Variants in ELOVL1 observed in about 807,000 individuals in gnomAD.
The protein encoded by ELOVL1 is ELOVL fatty acid elongase 1.
Under a neutral mutation model 37.8 loss-of-function variants are expected in ELOVL1, and 10 were observed. The observed-to-expected ratio is 0.26, with a 90% CI of 0.16 to 0.45. The LOEUF is 0.45. ELOVL1 is among the 20% of genes least tolerant of loss of function. The pLI is 1.00. For missense variants in ELOVL1, 256 were observed against 352.7 expected (o/e 0.73, Z 2.20); for synonymous variants, 133 against 123.8 (o/e 1.07, Z -0.49).
At chr1:43,367,186 GAC>G (rs1647264096) in intron 1 of ELOVL1, 1 of 152,568 alleles carries the variant, frequency 6.6e-6, no homozygotes. Context: ...TCTCCTGCCT[GAC>G]ACACCACGCA....
In ELOVL1 at chr1:43,364,012, G is replaced by A. The variant is rs1235224687; in HGVS notation, c.744C>T (p.Ser248=). The change falls in exon 8 of 8, where the codon TCC becomes TCT. Residue 248 remains serine, a synonymous_variant. Coordinates refer to ENST00000372458, the MANE Select transcript of ELOVL1 (RefSeq NM_022821.4). This position sits in a 1 kb window ranked among gnomAD's most constrained non-coding sequence, Gnocchi z 5.2. ...TGGTATAAGAGTGATACCAGAAGTT[G>A]GAGAACAGCATGAAGAAGATGGTGC... ...MYGTIFFMLF[S]NFWYHSYTKG... 6.2e-7 allele frequency: 1 copy of A among 1,614,186 alleles called. No homozygotes were observed. The highest frequency in any genetic ancestry group is 8.5e-7 in the Non-Finnish European group (1 of 1,180,040).
In ELOVL1 at chr1:43,363,842, G is replaced by A. The variant is rs1314131460; in HGVS notation, c.*74C>T. On this transcript the variant is annotated 3_prime_UTR_variant, in exon 8 of 8. Transcript: ENST00000372458. ...AGCCTTGGTCACAGGTGTAGGTGGA[G>A]AGGGCACTGACGGACACTGCCCTAA... 13 of 1,364,476 alleles carry A rather than the reference G, an allele frequency of 9.5e-6. No homozygotes were observed. The highest frequency in any genetic ancestry group is 1.4e-5 in the Non-Finnish European group (13 of 961,194). The allele number at this position is 1,364,476 out of a possible 1,614,324, so 84.5% of individuals were successfully genotyped here.
At chr1:43,367,755 G>A (rs987638571) in intron 1 of ELOVL1, 160 bp downstream of exon 1, 2 of 152,650 alleles carry the variant, frequency 1.3e-5, no homozygotes, top group African/African-American at 4.8e-5. Flanking sequence ...GGGTGCTGGC[G>A]AGGCCCGGCC....
In ELOVL1 at chr1:43,363,625, C is replaced by T. The variant is rs780987888; in HGVS notation, c.*291G>A. ...TGGGGCCAGCCCTGAGTGCTCCTCT[C>T]CCAAGTTTTAAGGCAGGGAGGGGGA... On this transcript the variant is annotated 3_prime_UTR_variant, in exon 8 of 8. Transcript: ENST00000372458. 6 of 456,192 alleles carry T rather than the reference C, an allele frequency of 1.3e-5. No individual in the cohort carries two copies. Among genetic ancestry groups the T allele is most frequent in the Non-Finnish European group, 2.0e-5 (5 of 250,346 alleles). The allele number at this position is 456,192 out of a possible 1,614,324, so 28.3% of individuals were successfully genotyped here.
At position 43,364,429 on chromosome 1, in the gene ELOVL1, G is replaced by A. The variant is rs758642204; in HGVS notation, c.513C>T (p.Asn171=). Residue 171 remains asparagine, a synonymous_variant, in exon 7 of 8, where the codon AAC becomes AAT. Transcript: ENST00000372458. This position sits in a 1 kb window ranked among gnomAD's most constrained non-coding sequence, Gnocchi z 5.2. ...GGTACATTATGACATGCACGGAAGA[G>A]TTTATCATGGCATGGAAAGAGCCCA... is the stretch of plus-strand genomic sequence containing the variant. The part of the protein sequence containing the change: ...GGMGSFHAMI[N]SSVHVIMYLY... The A allele has an allele frequency of 5.0e-6, 8 of 1,614,138 alleles. No homozygotes were observed. The highest frequency in any genetic ancestry group is 8.5e-7 in the Non-Finnish European group (1 of 1,180,016).
In ELOVL1 at chr1:43,364,720, T is replaced by C. The variant is rs752580131; in HGVS notation, c.375+18A>G. 5 of 1,614,006 alleles carry C rather than the reference T, an allele frequency of 3.1e-6. No individual in the cohort carries two copies. In the African/African-American group the frequency reaches 6.7e-5, roughly 22 times the overall value. On this transcript the variant is annotated intron_variant, in intron 5 of 7. Coordinates refer to ENST00000372458, the MANE Select transcript of ELOVL1 (RefSeq NM_022821.4). This position sits in a 1 kb window ranked among gnomAD's most constrained non-coding sequence, Gnocchi z 5.2. ...CTCATTCTCCCCTCAAGTTCTCACATCTCATATAACTACTCACTGTGTCCA... is the reference window on the plus strand; with the variant it reads ...CTCATTCTCCCCTCAAGTTCTCACACCTCATATAACTACTCACTGTGTCCA...
chr1:43,363,787 G>T lies in ELOVL1; in HGVS notation c.*129C>A. On this transcript the variant is annotated 3_prime_UTR_variant, in exon 8 of 8. Coordinates refer to ENST00000372458, the MANE Select transcript of ELOVL1 (RefSeq NM_022821.4). ...GTAGAGCAGCTGTGGGGAGGGGAGG[G>T]CCAGTCCCCTGCTCAGTCCTGACCA... 1.2e-6 allele frequency: 1 copy of T among 822,360 alleles called. No homozygotes were observed. The highest frequency in any genetic ancestry group is 1.9e-6 in the Non-Finnish European group (1 of 514,384). 50.9% of individuals were successfully genotyped at this position (822,360 alleles called of 1,614,324 possible). A position where few individuals can be genotyped will look rare whatever the true frequency, so the allele number is the denominator to read the frequency against.
chr1:43,364,255 G>A lies in ELOVL1; in HGVS notation c.618+69C>T, dbSNP rs1647195223. The A allele has an allele frequency of 4.3e-6, 7 of 1,612,272 alleles. No homozygotes were observed. The highest frequency in any genetic ancestry group is 5.9e-6 in the Non-Finnish European group (7 of 1,179,146). ...GATGGGGTCAAAGGTGAGACAGACT[G>A]GATAAAGGCAGGATCCAGGCTAGGA... On this transcript the variant is annotated intron_variant, in intron 7 of 7. Transcript: ENST00000372458. This position sits in a 1 kb window ranked among gnomAD's most constrained non-coding sequence, Gnocchi z 5.2.
chr1:43,364,851 A>C lies in ELOVL1; in HGVS notation c.319-57T>G. ...ATACACTATTCTAAGAGCCTCCCTA[A>C]ACTGGGCCTTGAGCACAGGCCCCAA... On this transcript the variant is annotated intron_variant, in intron 4 of 7. Coordinates refer to ENST00000372458, the MANE Select transcript of ELOVL1 (RefSeq NM_022821.4). This position sits in a 1 kb window ranked among gnomAD's most constrained non-coding sequence, Gnocchi z 5.2. The C allele has an allele frequency of 6.2e-7, 1 of 1,614,064 alleles. No individual in the cohort carries two copies. The highest frequency in any genetic ancestry group is 1.7e-5 in the Admixed American group (1 of 60,020).
Position 43,364,141 on chromosome 1 carries a change from G to C in ELOVL1, c.619-4C>G. 1.2e-6 allele frequency: 2 copies of C among 1,614,106 alleles called. No homozygotes were observed. The highest frequency in any genetic ancestry group is 1.7e-6 in the Non-Finnish European group (2 of 1,179,992). On this transcript the variant is annotated splice_region_variant and splice_polypyrimidine_tract_variant and intron_variant, in intron 7 of 7. Transcript: ENST00000372458. The surrounding 1 kb of genome is among the most constrained non-coding windows in gnomAD (Gnocchi z 5.2). ...GTGAGACCAGGACAAACTGGATCTA[G>C]GATAGAGAAAGACCAGGGTCAGAGG...
Position 43,363,481 on chromosome 1 carries a change from C to T in ELOVL1, c.*435G>A, listed in dbSNP as rs751519094. The T allele has an allele frequency of 1.4e-4, 55 of 390,854 alleles. No individual in the cohort carries two copies. Among genetic ancestry groups the T allele is most frequent in the Non-Finnish European group, 2.2e-4 (47 of 215,594 alleles). 24.2% of individuals were successfully genotyped at this position (390,854 alleles called of 1,614,324 possible). On this transcript the variant is annotated 3_prime_UTR_variant, in exon 8 of 8. Transcript: ENST00000372458. ...GCTGTATTCCCAGGCCCCCGCCCAC[C>T]CTGACCTTTGGCCCAGAAGCTACTG...
chr1:43,365,698 C>T, intron 1 of ELOVL1, 75 bp from the exon 2 acceptor site: 1 of 1,422,080 alleles, frequency 7.0e-7, no homozygotes, highest in Admixed American at 1.7e-5. Flanking sequence ...AGACACAGAA[C>T]CAGACAAGAC....
chr1:43,365,523 C>T (rs748197819), intron 2 of ELOVL1, 41 bp downstream of exon 2: 27 of 1,613,778 alleles, frequency 1.7e-5, no homozygotes, highest in African/African-American at 4.0e-5. Flanking sequence ...CCAGGGATCC[C>T]GGGAAAGAAG....
rs779324252 is a variant in ELOVL1 at position 43,364,679 on chromosome 1, AC to A, written c.376-33del. The A allele has an allele frequency of 1.2e-6, 2 of 1,614,138 alleles. No individual in the cohort carries two copies. The highest frequency in any genetic ancestry group is 1.1e-5 in the South Asian group (1 of 91,086). Reference sequence around the variant, plus strand: ...GAAGAGTGAGGGAAGGGGATTCAGAACCTGGGCTTCTCCACCTCATTCTCCC... The same window carrying A: ...GAAGAGTGAGGGAAGGGGATTCAGAACTGGGCTTCTCCACCTCATTCTCCC... On this transcript the variant is annotated intron_variant, in intron 5 of 7. Transcript: ENST00000372458. The surrounding 1 kb of genome is among the most constrained non-coding windows in gnomAD (Gnocchi z 5.2).
At chr1:43,367,418 C>G (rs1295083081) in intron 1 of ELOVL1, 2 of 152,662 alleles carry the variant, frequency 1.3e-5, no homozygotes, top group Non-Finnish European at 2.9e-5. Context: ...ACAGGTTCCT[C>G]CCTGACACAT....
Position 43,364,944 on chromosome 1 carries a change from C to T in ELOVL1, c.302G>A (p.Ser101Asn), listed in dbSNP as rs1415826596. The T allele has an allele frequency of 6.2e-7, 1 of 1,613,974 alleles. No homozygotes were observed. Among genetic ancestry groups the T allele is most frequent in the Admixed American group, 1.7e-5 (1 of 59,986 alleles). ...CCTACTTACCCTAAGTGCCTCAGGGCTGTTGGAATAGTCCACAGGGTCACA... is the reference window on the plus strand; with the variant it reads ...CCTACTTACCCTAAGTGCCTCAGGGTTGTTGGAATAGTCCACAGGGTCACA... ...WRCDPVDYSNSPEALRMVRVA... is the reference protein window; with the variant it reads ...WRCDPVDYSNNPEALRMVRVA... Residue 101 changes from serine to asparagine, a missense_variant, in exon 4 of 8, where the codon AGC becomes AAC. By Grantham distance (46) the Ser-to-Asn change is conservative. This residue lies in a region of ELOVL1 where 158 missense variants were observed against 189.4 expected (regional missense o/e 0.83). Coordinates refer to ENST00000372458, the MANE Select transcript of ELOVL1 (RefSeq NM_022821.4). This position sits in a 1 kb window ranked among gnomAD's most constrained non-coding sequence, Gnocchi z 5.2.
In ELOVL1 at chr1:43,363,739, G is replaced by A; in HGVS notation, c.*177C>T. On this transcript the variant is annotated 3_prime_UTR_variant, in exon 8 of 8. Coordinates refer to ENST00000372458, the MANE Select transcript of ELOVL1 (RefSeq NM_022821.4). The stretch of plus-strand genomic sequence containing the variant: ...CTGGAGCTGCCCGGGGGAAGTGGGT[G>A]AGGAACCAAAGCCGTGGTCCCTGTA... 3.2e-6 allele frequency: 2 copies of A among 620,950 alleles called. No homozygotes were observed. Among genetic ancestry groups the A allele is most frequent in the East Asian group, 2.8e-5 (1 of 36,110 alleles). 38.5% of individuals were successfully genotyped at this position (620,950 alleles called of 1,614,324 possible). A position where few individuals can be genotyped will look rare whatever the true frequency, so the allele number is the denominator to read the frequency against.
rs150570611 is a variant in ELOVL1 at position 43,364,396 on chromosome 1, G to A, written c.546C>T (p.Tyr182=). 63 of 1,614,136 alleles carry A rather than the reference G, an allele frequency of 3.9e-5. No homozygotes were observed. In the African/African-American group the frequency reaches 4.9e-4, roughly 13 times the overall value. ...SSVHVIMYLY[Y]GLSAFGPVAQ... ...CCACAGGGCCAAAGGCAGATAATCC[G>A]TAGTACAGGTACATTATGACATGCA... Residue 182 remains tyrosine, a synonymous_variant, in exon 7 of 8, where the codon TAC becomes TAT. Transcript: ENST00000372458. This position sits in a 1 kb window ranked among gnomAD's most constrained non-coding sequence, Gnocchi z 5.2.
chr1:43,363,954 T>C lies in ELOVL1; in HGVS notation c.802A>G (p.Asn268Asp). 6.2e-7 allele frequency: 1 copy of C among 1,613,840 alleles called. No individual in the cohort carries two copies. Among genetic ancestry groups the C allele is most frequent in the Non-Finnish European group, 8.5e-7 (1 of 1,180,024 alleles). ...GKRLPRALQQNGAPGIAKVKA... is the reference protein window; with the variant it reads ...GKRLPRALQQDGAPGIAKVKA... Reference sequence around the variant, plus strand: ...ACCTTGGCAATACCTGGAGCTCCATTTTGCTGAAGTGCACGGGGCAGCCGC... The same window carrying C: ...ACCTTGGCAATACCTGGAGCTCCATCTTGCTGAAGTGCACGGGGCAGCCGC... Residue 268 changes from asparagine to aspartate, a missense_variant, in exon 8 of 8, where the codon AAT (asparagine) becomes GAT (aspartate). Around this residue, in one of 3 missense-constraint regions of ELOVL1, gnomAD observed 59 missense variants for 73.3 expected, o/e 0.80. Coordinates refer to ENST00000372458, the MANE Select transcript of ELOVL1 (RefSeq NM_022821.4).
Sources: allele counts gnomAD v4.1 joint callset, GRCh38; gene constraint gnomAD v4.1.1; regional missense constraint gnomAD v4.1.1; non-coding constraint Gnocchi (gnomAD v3.1); transcripts MANE v1.5; gene names NCBI Gene and HGNC (gene_info 2026-07-23, HGNC 2026-07-21).